ZNF438: variants seen among roughly 807,000 people sequenced by gnomAD.
ZNF438 encodes zinc finger protein 438.
Under a neutral mutation model 38.0 loss-of-function variants are expected in ZNF438, and 25 were observed. That is an observed-to-expected ratio of 0.66 (90% confidence interval 0.48 to 0.92). ZNF438 has a LOEUF of 0.92. Among genes scored for constraint, ZNF438 ranks in the 40% least tolerant of loss-of-function variants. The pLI is 0.00. For missense variants in ZNF438, 1,007 were observed against 999.6 expected, an observed-to-expected ratio of 1.01 and a Z score of -0.10; for synonymous variants, 372 against 364.1, an observed-to-expected ratio of 1.02 and a Z score of -0.25.
intron 1 of ZNF438, among the ~76,000 whole-genome samples, chr10:31,008,398 T>C (rs2055356136): frequency 6.6e-6 from 1 of 152,158 alleles, no homozygotes; most frequent in East Asian, 1.9e-4. Context: ...AACATTTTTA[T>C]CATCCCAAAA....
At chr10:30,844,801 T>C in exon 6 of ZNF438, 5 of 931,228 alleles carry the variant, frequency 5.4e-6, no homozygotes, top group Non-Finnish European at 8.0e-6. Context: ...GCTTATATTT[T>C]ATTTCGTTAA....
intron 1 of ZNF438, among the ~76,000 whole-genome samples, chr10:30,944,459 G>A (rs918277611): frequency 6.6e-6 from 1 of 152,118 alleles, no homozygotes; most frequent in African/African-American, 2.4e-5. Flanking sequence ...CACCAACAGG[G>A]ATGTAAAGTA....
At chr10:30,868,092 G>A (rs1373554280) in intron 4 of ZNF438, among the ~76,000 whole-genome samples, 5 of 146,244 alleles carry the variant, frequency 3.4e-5, no homozygotes, top group East Asian at 2.0e-4. Flanking sequence ...TTTTTGAGAC[G>A]GAGTTTCGCT....
intron 1 of ZNF438, among the ~76,000 whole-genome samples, chr10:31,023,584 C>T (rs1337115599): frequency 1.3e-5 from 2 of 152,168 alleles, no homozygotes; most frequent in Non-Finnish European, 2.9e-5. Context: ...CCATAGCTAA[C>T]ATCAACATGT....
chr10:30,875,725 C>T (rs768783300), intron 4 of ZNF438, among the ~76,000 whole-genome samples: 2 of 152,210 alleles, frequency 1.3e-5, no homozygotes, highest in Non-Finnish European at 2.9e-5. Context: ...ACTCTCTCTT[C>T]GGATCAACTC....
chr10:30,987,517 G>T (rs1452123645), intron 1 of ZNF438, among the ~76,000 whole-genome samples: 1 of 152,022 alleles, frequency 6.6e-6, no homozygotes, highest in South Asian at 2.1e-4. Context: ...AATAGCTATG[G>T]ACTAAACGTT....
intron 3 of ZNF438, among the ~76,000 whole-genome samples, chr10:30,894,720 T>G (rs189642625): frequency 4.1e-4 from 63 of 152,128 alleles, no homozygotes; most frequent in Middle Eastern, 6.8e-3. Flanking sequence ...GAAAGAGCAT[T>G]TGAAGAAAAA....
rs1437028394 is a variant in ZNF438, at chr10:31,015,219, C to A, written c.-192+16614G>T. Among the ~76,000 whole-genome samples, 3 of 152,160 alleles carry A rather than the reference C, an allele frequency of 2.0e-5. 1 individual carries two copies. Among genetic ancestry groups the A allele is most frequent in the Non-Finnish European group, 4.4e-5 (3 of 68,032 alleles). ...TCATAGCTGTCTTTATTATAATCAT[C>A]ATTGCTGATTGCCATTGTTATTACT... On this transcript the variant is annotated intron_variant, in intron 1 of 5. Transcript: ENST00000413025.
chr10:30,851,903 A>G (rs1274716121), intron 4 of ZNF438, among the ~76,000 whole-genome samples: 1 of 152,112 alleles, frequency 6.6e-6, no homozygotes, highest in Non-Finnish European at 1.5e-5. Context: ...TCACGTCTAT[A>G]ATCCTAGCAC....
At chr10:30,884,349 GATCCTCTGATTTGACTGGATAATA>G (rs2039675817) in intron 3 of ZNF438, among the ~76,000 whole-genome samples, 1 of 151,668 alleles carries the variant, frequency 6.6e-6, no homozygotes, top group African/African-American at 2.4e-5. Context: ...CCTCTGATTT[GATCCTCTGATTTGACTGGATAATA>G]ATATAAATAT....
intron 1 of ZNF438, among the ~76,000 whole-genome samples, chr10:30,975,436 T>C (rs73252689): frequency 0.012 from 1,837 of 152,286 alleles, 41 homozygotes; most frequent in African/African-American, 0.041. Flanking sequence ...ACGCCCTGTG[T>C]TACCTGATGC....
intron 4 of ZNF438, among the ~76,000 whole-genome samples, chr10:30,858,387 A>AT (rs760227946): frequency 5.3e-5 from 8 of 152,216 alleles, no homozygotes; most frequent in Non-Finnish European, 7.3e-5. Context: ...GAGGTCTGGG[A>AT]TAAAAGCAAT....
intron 2 of ZNF438, among the ~76,000 whole-genome samples, chr10:30,927,723 G>A (rs2045126659): frequency 6.6e-6 from 1 of 152,214 alleles, no homozygotes; most frequent in Admixed American, 6.5e-5. Flanking sequence ...TGATGGCCAG[G>A]AGGCTCTTAT....
At chr10:30,932,521 T>C (rs111347893) in intron 2 of ZNF438, among the ~76,000 whole-genome samples, 29 of 152,302 alleles carry the variant, frequency 1.9e-4, no homozygotes, top group African/African-American at 6.3e-4. Flanking sequence ...CACTATCCCA[T>C]TGCATAGATG....
intron 4 of ZNF438, among the ~76,000 whole-genome samples, chr10:30,856,487 G>GAA (rs5784226): frequency 0.38 from 57,995 of 151,720 alleles, 11,341 homozygotes; most frequent in Admixed American, 0.41. Flanking sequence ...TATGTCTGCA[G>GAA]AGTCTTTCTT....
intron 1 of ZNF438, among the ~76,000 whole-genome samples, chr10:31,012,493 C>T (rs1041796525): frequency 1.3e-5 from 2 of 152,076 alleles, no homozygotes; most frequent in African/African-American, 4.8e-5. Context: ...TGTTTATACA[C>T]ATAATATATG....
chr10:30,956,264 A>C (rs2048850710), intron 1 of ZNF438, among the ~76,000 whole-genome samples: 1 of 152,210 alleles, frequency 6.6e-6, no homozygotes, highest in African/African-American at 2.4e-5. Flanking sequence ...GATGAAATAT[A>C]AAAGAGAGAC....
At chr10:30,925,842 T>C (rs1023187707) in intron 2 of ZNF438, among the ~76,000 whole-genome samples, 3 of 152,218 alleles carry the variant, frequency 2.0e-5, no homozygotes, top group Admixed American at 2.0e-4. Context: ...TCATTAGCAA[T>C]AAATGCACTT....
intron 3 of ZNF438, among the ~76,000 whole-genome samples, chr10:30,892,711 C>A (rs1449483689): frequency 6.6e-6 from 1 of 152,182 alleles, no homozygotes; most frequent in East Asian, 1.9e-4. Flanking sequence ...TTCTGGGCAC[C>A]CTTTCAGAAA....
Sources: gnomAD v4.1 joint callset for allele counts (sites outside exome capture counted in the v4.1 genomes callset) on GRCh38, gnomAD v4.1.1 for gene constraint, MANE v1.5 for transcripts, NCBI Gene and HGNC (gene_info 2026-07-23, HGNC 2026-07-21) for gene names.